CCBE1: variants seen among roughly 807,000 people sequenced by gnomAD.
CCBE1 encodes the protein collagen and calcium-binding EGF domain-containing protein 1.
A neutral mutation model predicts 50.0 loss-of-function variants in CCBE1; 37 were observed. The observed-to-expected ratio is 0.74, with a 90% CI of 0.57 to 0.97. The LOEUF is 0.97. CCBE1 is among the 50% of genes least tolerant of loss of function. CCBE1 has a pLI of 0.00. For missense variants in CCBE1, 538 were observed against 523.8 expected, an observed-to-expected ratio of 1.03 and a Z score of -0.26; for synonymous variants, 234 against 203.7, an observed-to-expected ratio of 1.15 and a Z score of -1.27.
intron 2 of CCBE1, among the ~76,000 whole-genome samples, chr18:59,482,258 C>T (rs1439790075): frequency 6.6e-6 from 1 of 152,120 alleles, no homozygotes; most frequent in Non-Finnish European, 1.5e-5. Flanking sequence ...ATGGTGTATG[C>T]CAGTTAGAAT....
rs778268286 is a variant in CCBE1, at chr18:59,436,070, C to G, written c.1059G>C (p.Gln353His). 4.3e-6 allele frequency: 7 copies of G among 1,614,072 alleles called. No individual in the cohort carries two copies. In the South Asian group the frequency reaches 6.6e-5, roughly 15 times the overall value. ...ADIRNDITEL[Q>H]EKVFGHRTHS... ...GAGTCCGGTGCCCGAACACCTTTTC[C>G]TGCAGCTCAGTGATGTCATTGCGGA... The change falls in exon 11 of 11, where the codon CAG (glutamine) becomes CAC (histidine). Residue 353 changes from glutamine to histidine, a missense_variant. Gln to His is a conservative substitution (Grantham distance 24). Transcript: ENST00000439986.
intron 2 of CCBE1, among the ~76,000 whole-genome samples, chr18:59,665,198 C>G (rs757660135): frequency 6.6e-5 from 10 of 152,086 alleles, no homozygotes; most frequent in Non-Finnish European, 1.5e-4. Flanking sequence ...AAAGCTCACG[C>G]AAGAGGATGC....
intron 2 of CCBE1, among the ~76,000 whole-genome samples, chr18:59,507,954 G>A (rs1440371138): frequency 6.7e-6 from 1 of 150,304 alleles, no homozygotes; most frequent in Non-Finnish European, 1.5e-5. Context: ...GCAGTGGCAC[G>A]ATCTCACCTC....
At chr18:59,444,149 C>T (rs1910569879) in intron 7 of CCBE1, among the ~76,000 whole-genome samples, 1 of 152,160 alleles carries the variant, frequency 6.6e-6, no homozygotes, top group South Asian at 2.1e-4. Context: ...CATTGATGGA[C>T]ACCTGGGTTA....
At chr18:59,556,801 T>C (rs1179676127) in intron 2 of CCBE1, among the ~76,000 whole-genome samples, 1 of 152,234 alleles carries the variant, frequency 6.6e-6, no homozygotes, top group Non-Finnish European at 1.5e-5. Context: ...TACAAGTCAA[T>C]TTTATGAATA....
chr18:59,621,794 T>G (rs765643827), intron 2 of CCBE1, among the ~76,000 whole-genome samples: 6 of 152,200 alleles, frequency 3.9e-5, no homozygotes, highest in Non-Finnish European at 8.8e-5. Context: ...TTTCTTTCAG[T>G]CTATTTTCTT....
chr18:59,526,495 G>A (rs1914827055), intron 2 of CCBE1, among the ~76,000 whole-genome samples: 1 of 151,970 alleles, frequency 6.6e-6, no homozygotes, highest in African/African-American at 2.4e-5. Flanking sequence ...ATTTTTAGTA[G>A]AGATGGGATT....
At chr18:59,635,835 AAT>A (rs933071331) in intron 2 of CCBE1, among the ~76,000 whole-genome samples, 2 of 152,198 alleles carry the variant, frequency 1.3e-5, no homozygotes, top group African/African-American at 4.8e-5. Context: ...CAGAAATGCC[AAT>A]AGAGTTTTAG....
intron 4 of CCBE1, among the ~76,000 whole-genome samples, chr18:59,468,837 G>T (rs1332254553): frequency 2.4e-5 from 3 of 124,076 alleles, no homozygotes; most frequent in East Asian, 4.7e-4. Context: ...AAAAGGCCAG[G>T]TTTTTTTTTT....
At chr18:59,657,988 T>A (rs1467798436) in intron 2 of CCBE1, among the ~76,000 whole-genome samples, 1 of 151,832 alleles carries the variant, frequency 6.6e-6, no homozygotes, top group African/African-American at 2.4e-5. Flanking sequence ...CACATTGGAG[T>A]AGCAGGCCAA....
chr18:59,596,094 A>T (rs912301782), intron 2 of CCBE1, among the ~76,000 whole-genome samples: 4 of 152,248 alleles, frequency 2.6e-5, no homozygotes, highest in Non-Finnish European at 5.9e-5. Context: ...ACAAATGGCT[A>T]AAGAATGCAG....
chr18:59,666,980 A>T (rs1325033958), intron 2 of CCBE1, among the ~76,000 whole-genome samples: 1 of 152,096 alleles, frequency 6.6e-6, no homozygotes, highest in East Asian at 1.9e-4. Context: ...ATAAATAAAT[A>T]AAGTTACAAG....
chr18:59,561,633 T>G (rs763338013), intron 2 of CCBE1, among the ~76,000 whole-genome samples: 17 of 152,214 alleles, frequency 1.1e-4, no homozygotes, highest in Non-Finnish European at 2.4e-4. Context: ...GGGCTTGGCT[T>G]GGCTCAGCTA....
chr18:59,475,306 G>A lies in CCBE1; in HGVS notation c.265+4880C>T, dbSNP rs149287082. 6.7e-3 allele frequency among the ~76,000 whole-genome samples: 1,022 copies of A among 152,292 alleles called. 8 individuals are homozygous for A. The highest frequency in any genetic ancestry group is 0.016 in the Admixed American group (239 of 15,302). On this transcript the variant is annotated intron_variant, in intron 3 of 10. Transcript: ENST00000439986. The stretch of plus-strand genomic sequence containing the variant: ...GCTAACCTTCCCAAAGCATAGCACT[G>A]TGTACACCATCCCCTTGTTTAAAAA...
intron 2 of CCBE1, among the ~76,000 whole-genome samples, chr18:59,572,494 C>G (rs2052928831): frequency 6.6e-6 from 1 of 152,102 alleles, no homozygotes; most frequent in Non-Finnish European, 1.5e-5. Flanking sequence ...GATCATGCTT[C>G]CAAATGAAAT....
At chr18:59,619,779 T>A (rs573882168) in intron 2 of CCBE1, among the ~76,000 whole-genome samples, 2 of 152,340 alleles carry the variant, frequency 1.3e-5, no homozygotes, top group East Asian at 3.9e-4. Flanking sequence ...CTCAGTGATT[T>A]TTTTTAAACT....
intron 2 of CCBE1, among the ~76,000 whole-genome samples, chr18:59,580,154 G>A (rs2053061307): frequency 6.6e-6 from 1 of 152,206 alleles, no homozygotes; most frequent in African/African-American, 2.4e-5. Flanking sequence ...GCTGGGAACT[G>A]CTTAGGGCAA....
rs562699600 is a variant in CCBE1, at chr18:59,611,883, A to G, written c.212+84746T>C. ...TTCAGAGTTATAGATTGAAATATAGAGTCACTGGGAAAACAGATGTCCATA... is the reference window on the plus strand; with the variant it reads ...TTCAGAGTTATAGATTGAAATATAGGGTCACTGGGAAAACAGATGTCCATA... On this transcript the variant is annotated intron_variant, in intron 2 of 10. Transcript: ENST00000439986. 1.0e-3 allele frequency among the ~76,000 whole-genome samples: 153 copies of G among 152,340 alleles called. 2 individuals carry two copies. The highest frequency in any genetic ancestry group is 9.5e-3 in the South Asian group (46 of 4,818).
chr18:59,650,407 T>C (rs1038366800), intron 2 of CCBE1, among the ~76,000 whole-genome samples: 1 of 150,900 alleles, frequency 6.6e-6, no homozygotes, highest in African/African-American at 2.4e-5. Context: ...TGTAATGACA[T>C]TTAGCCTCCT....
Sources: allele counts gnomAD v4.1 joint callset (sites outside exome capture counted in the v4.1 genomes callset), GRCh38; gene constraint gnomAD v4.1.1; transcripts MANE v1.5; gene names NCBI Gene and HGNC (gene_info 2026-07-23, HGNC 2026-07-21).